The following DIAPH2 variants were observed in gnomAD, a reference collection of about 807,000 sequenced individuals.
The protein encoded by DIAPH2 is diaphanous related formin 2.
In DIAPH2, 35 loss-of-function variants were observed where a neutral mutation model predicts 92.7. That is an observed-to-expected ratio of 0.38 (90% confidence interval 0.29 to 0.50). The LOEUF (loss-of-function observed/expected upper bound fraction) is 0.50, where lower values mean the gene tolerates loss of function less well. Ranked by LOEUF, DIAPH2 falls within the 20% of genes least tolerant of loss-of-function variation. The pLI, the probability that DIAPH2 is intolerant of heterozygous loss-of-function variation, is 0.94. For synonymous variants in DIAPH2, 301 were observed against 280.4 expected, an observed-to-expected ratio of 1.07 and a Z score of -0.73; for missense variants, 701 against 819.5, an observed-to-expected ratio of 0.86 and a Z score of 1.77.
intron 24 of DIAPH2, among the ~76,000 whole-genome samples, chrX:97,371,975 G>A (rs2069451783): frequency 8.9e-6 from 1 of 112,465 alleles, no homozygotes; most frequent in Non-Finnish European, 1.9e-5. Flanking sequence ...GTCTACATTG[G>A]CATGTTGAGC....
chrX:97,067,886 A>G (rs1000852486), intron 17 of DIAPH2, among the ~76,000 whole-genome samples: 1 of 111,317 alleles, frequency 9.0e-6, no homozygotes, highest in Non-Finnish European at 1.9e-5. Flanking sequence ...TAACTTTTCT[A>G]CTGTTATAAA....
At chrX:97,449,559 C>T in intron 26 of DIAPH2, 1 of 306,587 alleles carries the variant, frequency 3.3e-6, no homozygotes, top group Non-Finnish European at 4.3e-6. Flanking sequence ...GTGAAACTAC[C>T]GATGGTCATT....
intron 26 of DIAPH2, among the ~76,000 whole-genome samples, chrX:97,466,740 C>T (rs1283275108): frequency 2.7e-5 from 3 of 112,131 alleles, no homozygotes; most frequent in Non-Finnish European, 3.8e-5. Flanking sequence ...GCTGCAAGTA[C>T]AGACCAAAGC....
intron 22 of DIAPH2, among the ~76,000 whole-genome samples, chrX:97,173,215 A>G (rs907355443): frequency 1.8e-5 from 2 of 111,719 alleles, no homozygotes; most frequent in African/African-American, 6.5e-5. Flanking sequence ...AGCCTGGGCA[A>G]CACGACAAAA....
At chrX:97,033,327 C>G (rs1254701782) in intron 17 of DIAPH2, among the ~76,000 whole-genome samples, 2 of 110,903 alleles carry the variant, frequency 1.8e-5, no homozygotes, top group African/African-American at 3.3e-5. Context: ...ACTTTTTTTC[C>G]TAAGTAAGAT....
At chrX:97,411,695 G>A (rs1300683159) in intron 25 of DIAPH2, among the ~76,000 whole-genome samples, 2 of 111,703 alleles carry the variant, frequency 1.8e-5, no homozygotes, top group Non-Finnish European at 3.8e-5. Flanking sequence ...TCAAAATAAA[G>A]GGACAGAGGA....
chrX:97,037,728 T>C (rs1316216245), intron 17 of DIAPH2, among the ~76,000 whole-genome samples: 3 of 111,931 alleles, frequency 2.7e-5, no homozygotes, highest in African/African-American at 3.2e-5. Context: ...TTCTGGTATG[T>C]AGTATATACT....
intron 22 of DIAPH2, among the ~76,000 whole-genome samples, chrX:97,197,717 A>G (rs1308157704): frequency 9.0e-6 from 1 of 111,722 alleles, no homozygotes; most frequent in African/African-American, 3.3e-5. Context: ...TGATATTTAT[A>G]TATTTGATTT....
chrX:97,297,465 A>G (rs1009188588), intron 23 of DIAPH2, among the ~76,000 whole-genome samples: 3 of 110,439 alleles, frequency 2.7e-5, no homozygotes, highest in Admixed American at 2.0e-4. Context: ...CCTGTCAGTA[A>G]TATGTTTCTG....
At chrX:96,895,318 A>T (rs1390694332) in intron 5 of DIAPH2, among the ~76,000 whole-genome samples, 3 of 111,569 alleles carry the variant, frequency 2.7e-5, no homozygotes, top group Non-Finnish European at 5.6e-5. Flanking sequence ...ACTGGTTTTT[A>T]AAATACGTGA....
chrX:96,973,751 A>G (rs1394191805), intron 17 of DIAPH2, among the ~76,000 whole-genome samples: 1 of 92,365 alleles, frequency 1.1e-5, no homozygotes, highest in Non-Finnish European at 2.0e-5. Context: ...GCTGGAGTGC[A>G]ATGGCGTGAT....
intron 22 of DIAPH2, among the ~76,000 whole-genome samples, chrX:97,244,915 C>T (rs1197425093): frequency 2.7e-5 from 3 of 110,561 alleles, no homozygotes; most frequent in Non-Finnish European, 1.9e-5. Flanking sequence ...ATGGTGAAAC[C>T]CCGTCTCTAC....
chrX:96,964,314 A>G (rs2065881897), intron 16 of DIAPH2, among the ~76,000 whole-genome samples: 1 of 112,166 alleles, frequency 8.9e-6, no homozygotes, highest in African/African-American at 3.2e-5. Flanking sequence ...ATTAAGTACA[A>G]TTCATCAAAA....
At chrX:97,274,006 G>GGGGTGT (rs1491584449) in intron 23 of DIAPH2, among the ~76,000 whole-genome samples, 1 of 86,733 alleles carries the variant, frequency 1.2e-5, no homozygotes, top group Non-Finnish European at 2.2e-5. Flanking sequence ...TAAAACTAGC[G>GGGGTGT]GTGTGTGTGT....
At chrX:96,917,263 T>G (rs1408337996) in intron 8 of DIAPH2, among the ~76,000 whole-genome samples, 1 of 111,305 alleles carries the variant, frequency 9.0e-6, no homozygotes, top group Non-Finnish European at 1.9e-5. Flanking sequence ...TGGAACACTT[T>G]GCGTGACAGT....
At chrX:97,510,027 A>G (rs1252505165) in intron 26 of DIAPH2, among the ~76,000 whole-genome samples, 1 of 111,196 alleles carries the variant, frequency 9.0e-6, no homozygotes, top group Non-Finnish European at 1.9e-5. Context: ...TATACCCAGT[A>G]ATGGGTTGGC....
chrX:97,229,851 A>G (rs1441041147), intron 22 of DIAPH2, among the ~76,000 whole-genome samples: 1 of 104,808 alleles, frequency 9.5e-6, no homozygotes, highest in Non-Finnish European at 1.9e-5. Context: ...TATTATATAT[A>G]ACATATTATA....
At chrX:96,779,747 A>G (rs2064402787) in intron 4 of DIAPH2, among the ~76,000 whole-genome samples, 1 of 111,998 alleles carries the variant, frequency 8.9e-6, no homozygotes, top group African/African-American at 3.2e-5. Flanking sequence ...AAAAACAAAA[A>G]AATTATGGTG....
intron 15 of DIAPH2, among the ~76,000 whole-genome samples, chrX:96,950,612 G>T: frequency 9.0e-6 from 1 of 111,379 alleles, no homozygotes; most frequent in East Asian, 2.8e-4. Context: ...GTCTCGCCTG[G>T]ACTATTACAA....
Sources: gnomAD v4.1 joint callset for allele counts (sites outside exome capture counted in the v4.1 genomes callset) on GRCh38, gnomAD v4.1.1 for gene constraint, MANE v1.5 for transcripts, NCBI Gene and HGNC (gene_info 2026-07-23, HGNC 2026-07-21) for gene names.